Variants in TSR3 observed in about 807,000 individuals in gnomAD.
TSR3 encodes the protein TSR3 ribosome maturation factor, also known as 18S rRNA aminocarboxypropyltransferase.
Under a neutral mutation model 28.1 loss-of-function variants are expected in TSR3, and 31 were observed. The observed-to-expected ratio is 1.10, with a 90% CI of 0.83 to 1.49. The LOEUF (loss-of-function observed/expected upper bound fraction) is 1.49. Among genes scored for constraint, TSR3 ranks in the 40% most tolerant of loss-of-function variants. TSR3 has a pLI of 0.00. For missense variants in TSR3, 511 were observed against 444.0 expected, an observed-to-expected ratio of 1.15 and a Z score of -1.36; for synonymous variants, 219 against 197.2, an observed-to-expected ratio of 1.11 and a Z score of -0.93.
Position 1,349,964 on chromosome 16 carries a change from G to C in TSR3, c.704-12C>G. On this transcript the variant is annotated splice_polypyrimidine_tract_variant and intron_variant, in intron 4 of 5. Coordinates refer to ENST00000007390, the MANE Select transcript of TSR3 (RefSeq NM_001001410.3). ...CACATCGAAGGGATCTGAGCCGAGAGAGGAAAGTGGCCTCTAAGTGAGCTC... is the reference window on the plus strand; with the variant it reads ...CACATCGAAGGGATCTGAGCCGAGACAGGAAAGTGGCCTCTAAGTGAGCTC... 6.2e-7 allele frequency: 1 copy of C among 1,612,512 alleles called. No individual in the cohort carries two copies. Among genetic ancestry groups the C allele is most frequent in the South Asian group, 1.1e-5 (1 of 91,058 alleles).
intron 3 of TSR3, 123 bp from the exon 4 acceptor site, chr16:1,350,357 C>T (rs946537543): frequency 9.1e-7 from 1 of 1,104,838 alleles, no homozygotes; most frequent in African/African-American, 1.6e-5. Flanking sequence ...CAAACATCAG[C>T]TCACAGTCCT....
Position 1,349,383 on chromosome 16 carries a change from A to G in TSR3, c.*54T>C, listed in dbSNP as rs2034598893. On this transcript the variant is annotated 3_prime_UTR_variant, in exon 6 of 6. Transcript: ENST00000007390. ...GCTGCCAGGCCCATTTATGTCCCTCATGTCTCTAGATTTTCTCGTCACCCA... is the reference window on the plus strand; with the variant it reads ...GCTGCCAGGCCCATTTATGTCCCTCGTGTCTCTAGATTTTCTCGTCACCCA... 2 of 1,604,888 alleles carry G rather than the reference A, an allele frequency of 1.2e-6. No individual in the cohort carries two copies. The highest frequency in any genetic ancestry group is 2.2e-5 in the East Asian group (1 of 44,844).
Position 1,349,950 on chromosome 16 carries a change from G to GA in TSR3, c.705dup (p.Pro236SerfsTer27), listed in dbSNP as rs761356974. ...TCTCTCCCTGAATCCACATCGAAGG[G>GA]ATCTGAGCCGAGAGAGGAAAGTGGC... On this transcript the variant is annotated frameshift_variant and splice_region_variant, in exon 5 of 6. Coordinates refer to ENST00000007390, the MANE Select transcript of TSR3 (RefSeq NM_001001410.3). LOFTEE classifies it high-confidence loss of function. The GA allele has an allele frequency of 1.1e-4, 173 of 1,613,346 alleles. No homozygotes were observed. The highest frequency in any genetic ancestry group is 1.3e-4 in the Non-Finnish European group (154 of 1,180,010).
intron 5 of TSR3, 37 bp from the exon 6 acceptor site, chr16:1,349,645 C>G: frequency 6.4e-7 from 1 of 1,558,512 alleles, no homozygotes; most frequent in Non-Finnish European, 8.7e-7. Flanking sequence ...CAAATGACGT[C>G]CTCCCTGGCT....
chr16:1,349,296 G>A lies in TSR3; in HGVS notation c.*141C>T. The A allele has an allele frequency of 1.1e-6, 1 of 926,990 alleles. No homozygotes were observed. The highest frequency in any genetic ancestry group is 2.2e-4 in the Middle Eastern group (1 of 4,572). The allele number at this position is 926,990 out of a possible 1,614,324, so 57.4% of individuals were successfully genotyped here. On this transcript the variant is annotated 3_prime_UTR_variant, in exon 6 of 6. Coordinates refer to ENST00000007390, the MANE Select transcript of TSR3 (RefSeq NM_001001410.3). Reference sequence around the variant, plus strand: ...CCGAGGCAGGACACAGAGCACAGCTGTGCTGGAAGTGTGGGGAGAACCCGG... The same window carrying A: ...CCGAGGCAGGACACAGAGCACAGCTATGCTGGAAGTGTGGGGAGAACCCGG...
Position 1,350,976 on chromosome 16 carries a change from G to A in TSR3, c.357C>T (p.Val119=), listed in dbSNP as rs1474998634. The change falls in exon 3 of 6, where the codon GTC becomes GTT. Residue 119 remains valine, a synonymous_variant. Transcript: ENST00000007390. ...TGGCCCAGGAGCAGTCGATGACGGCGACCCCAGACTGCGCCACCAGCTGTC... is the reference window on the plus strand; with the variant it reads ...TGGCCCAGGAGCAGTCGATGACGGCAACCCCAGACTGCGCCACCAGCTGTC... The part of the protein sequence containing the change: ...ADRQLVAQSG[V]AVIDCSWARL... 1.4e-5 allele frequency: 23 copies of A among 1,611,944 alleles called. No homozygotes were observed. Among genetic ancestry groups the A allele is most frequent in the Admixed American group, 6.7e-5 (4 of 59,984 alleles).
At position 1,349,910 on chromosome 16, in the gene TSR3, T is replaced by C. The variant is rs773909730; in HGVS notation, c.746A>G (p.Asn249Ser). The C allele has an allele frequency of 6.8e-6, 11 of 1,613,668 alleles. No individual in the cohort carries two copies. The highest frequency in any genetic ancestry group is 1.7e-5 in the Admixed American group (1 of 60,018). The part of the protein sequence containing the change: ...VDSGREFGNP[N>S]RPVASTRLPS... ...CTACCGGGTGCTGGCCACAGGCCTGTTGGGGTTTCCAAACTCTCTCCCTGA... is the reference window on the plus strand; with the variant it reads ...CTACCGGGTGCTGGCCACAGGCCTGCTGGGGTTTCCAAACTCTCTCCCTGA... Residue 249 changes from asparagine (N) to serine (S), a missense_variant, in exon 5 of 6, where the codon AAC (asparagine) becomes AGC (serine). Asn to Ser is a conservative substitution (Grantham distance 46, BLOSUM62 1). Transcript: ENST00000007390.
intron 3 of TSR3, among the ~76,000 whole-genome samples, 167 bp downstream of exon 3, chr16:1,350,640 C>T (rs545217670): frequency 5.6e-4 from 85 of 152,242 alleles, no homozygotes; most frequent in Admixed American, 1.9e-3. Flanking sequence ...CTCCACAGGC[C>T]GAAAACCTGA....
intron 3 of TSR3, 118 bp downstream of exon 3, chr16:1,350,689 G>C (rs1225869630): frequency 1.6e-6 from 2 of 1,229,756 alleles, no homozygotes; most frequent in East Asian, 4.8e-5. Context: ...TGTCTGAACT[G>C]TTCCCCTGTC....
intron 4 of TSR3, 45 bp from the exon 5 acceptor site, chr16:1,349,997 G>A (rs763499630): frequency 3.1e-6 from 5 of 1,612,102 alleles, no homozygotes; most frequent in South Asian, 2.2e-5. Flanking sequence ...CTCAGAGCAG[G>A]ACCAGGCCTC....
At chr16:1,350,531 G>A (rs577883698) in intron 3 of TSR3, among the ~76,000 whole-genome samples, 34 of 152,216 alleles carry the variant, frequency 2.2e-4, no homozygotes, top group Middle Eastern at 3.4e-3. Flanking sequence ...AGGACGTGGA[G>A]GATAAGGAGG....
At position 1,351,868 on chromosome 16, in the gene TSR3, G is replaced by A. The variant is rs1297938554; in HGVS notation, c.-64C>T. On this transcript the variant is annotated 5_prime_UTR_variant, in exon 1 of 6. Coordinates refer to ENST00000007390, the MANE Select transcript of TSR3 (RefSeq NM_001001410.3). ...GCCGCGCCCCTCGGCCTCCCAATGG[G>A]CTGTGCGGCTGCCAGCGCTTGCGCC... The A allele has an allele frequency of 2.4e-6, 3 of 1,263,948 alleles. No homozygotes were observed. Among genetic ancestry groups the A allele is most frequent in the Non-Finnish European group, 3.0e-6 (3 of 1,010,010 alleles). The allele number at this position is 1,263,948 out of a possible 1,614,324, so 78.3% of individuals were successfully genotyped here. A position where few individuals can be genotyped will look rare whatever the true frequency, so the allele number is the denominator to read the frequency against.
Position 1,350,910 on chromosome 16 carries a change from G to C in TSR3, c.423C>G (p.His141Gln), listed in dbSNP as rs112658097. The part of the protein sequence containing the change: ...ETPFGKMRGS[H>Q]LRLLPYLVAA... ...CCACCAGGTAGGGCAACAGGCGCAA[G>C]TGGCTCCCTCGCATCTTCCCAAACG... The change falls in exon 3 of 6, where the codon CAC (histidine) becomes CAG (glutamine). Residue 141 changes from histidine to glutamine, a missense_variant. Physicochemically the swap from His to Gln is conservative, Grantham distance 24. Coordinates refer to ENST00000007390, the MANE Select transcript of TSR3 (RefSeq NM_001001410.3). 581 of 1,612,894 alleles carry C rather than the reference G, an allele frequency of 3.6e-4. No individual in the cohort carries two copies. Among genetic ancestry groups the C allele is most frequent in the Non-Finnish European group, 4.6e-4 (546 of 1,180,022 alleles).
chr16:1,349,705 C>T, intron 5 of TSR3, 97 bp from the exon 6 acceptor site: 3 of 1,440,294 alleles, frequency 2.1e-6, no homozygotes, highest in East Asian at 2.4e-5. Context: ...GGACAGATTC[C>T]TCTTCCTCCC....
Position 1,349,942 on chromosome 16 carries a change from A to G in TSR3, c.714T>C (p.Asp238=), listed in dbSNP as rs763051249. ...TTCCAAACTCTCTCCCTGAATCCAC[A>G]TCGAAGGGATCTGAGCCGAGAGAGG... ...SPQEEEIDPF[D]VDSGREFGNP... is the part of the protein sequence containing the mutation. The change falls in exon 5 of 6, where the codon GAT becomes GAC. Residue 238 remains aspartate (D), a synonymous_variant. Coordinates refer to ENST00000007390, the MANE Select transcript of TSR3 (RefSeq NM_001001410.3). 21 of 1,613,338 alleles carry G rather than the reference A, an allele frequency of 1.3e-5. No homozygotes were observed. Among genetic ancestry groups the G allele is most frequent in the Non-Finnish European group, 1.7e-5 (20 of 1,179,990 alleles).
rs984070457 is a variant in TSR3 at position 1,350,337 on chromosome 16, G to C, written c.527-103C>G. On this transcript the variant is annotated intron_variant, in intron 3 of 5. Coordinates refer to ENST00000007390, the MANE Select transcript of TSR3 (RefSeq NM_001001410.3). ...GGCGGCGCTCTCCCAAGTAACCGCA[G>C]GGTCCCCAGCAAACATCAGCTCACA... The C allele has an allele frequency of 5.5e-6, 7 of 1,282,222 alleles. No individual in the cohort carries two copies. In the African/African-American group the frequency reaches 1.0e-4, roughly 19 times the overall value. 79.4% of individuals were successfully genotyped at this position (1,282,222 alleles called of 1,614,324 possible).
At chr16:1,350,751 G>A in intron 3 of TSR3, 56 bp downstream of exon 3, 3 of 1,558,936 alleles carry the variant, frequency 1.9e-6, no homozygotes, top group South Asian at 1.2e-5. Flanking sequence ...GATGCTGGGA[G>A]CATAGCAGGA....
At position 1,350,130 on chromosome 16, in the gene TSR3, G is replaced by T; in HGVS notation, c.631C>A (p.Pro211Thr). 1 of 1,612,194 alleles carries T rather than the reference G, an allele frequency of 6.2e-7. No homozygotes were observed. Among genetic ancestry groups the T allele is most frequent in the Non-Finnish European group, 8.5e-7 (1 of 1,179,486 alleles). The change falls in exon 4 of 6, where the codon CCG becomes ACG. Residue 211 changes from proline to threonine, a missense_variant. Physicochemically the swap from Pro to Thr is conservative, Grantham distance 38. Transcript: ENST00000007390. ...TGCTCCGCCTGCAGCACCTCCTCCG[G>T]GCTGCCGCAGGCCGCGTACTTGTCC... ...LLDKYAACGS[P>T]EEVLQAEQEF...
rs1261081076 is a variant in TSR3 at position 1,351,828 on chromosome 16, A to C, written c.-24T>G. 5.4e-6 allele frequency: 7 copies of C among 1,293,102 alleles called. No individual in the cohort carries two copies. In the South Asian group the frequency reaches 9.4e-5, roughly 17 times the overall value. 80.1% of individuals were successfully genotyped at this position (1,293,102 alleles called of 1,614,324 possible). On this transcript the variant is annotated 5_prime_UTR_variant, in exon 1 of 6. Coordinates refer to ENST00000007390, the MANE Select transcript of TSR3 (RefSeq NM_001001410.3). Reference sequence around the variant, plus strand: ...ATGGCGCGGACCTGGGGTGCCGGGGACTCCCCACCCCACGGCCGCGCCCCT... The same window carrying C: ...ATGGCGCGGACCTGGGGTGCCGGGGCCTCCCCACCCCACGGCCGCGCCCCT...
Sources: allele counts gnomAD v4.1 joint callset (sites outside exome capture counted in the v4.1 genomes callset), GRCh38; gene constraint gnomAD v4.1.1; transcripts MANE v1.5; gene names NCBI Gene and HGNC (gene_info 2026-07-23, HGNC 2026-07-21).